LINGO2: variants seen among roughly 807,000 people sequenced by gnomAD.
The protein encoded by LINGO2 is leucine rich repeat and Ig domain containing 2.
Under a neutral mutation model 30.6 loss-of-function variants are expected in LINGO2, and 14 were observed. The observed-to-expected ratio is 0.46, with a 90% CI of 0.30 to 0.72. LINGO2 has a LOEUF of 0.72. LINGO2 is among the 30% of genes least tolerant of loss of function. The pLI is 0.07. For missense variants in LINGO2, 729 were observed against 751.7 expected, an observed-to-expected ratio of 0.97 and a Z score of 0.35; for synonymous variants, 317 against 288.5, an observed-to-expected ratio of 1.10 and a Z score of -1.00.
At chr9:28,048,869 G>GA (rs1261989213) in intron 4 of LINGO2, among the ~76,000 whole-genome samples, 1 of 150,784 alleles carries the variant, frequency 6.6e-6, no homozygotes, top group Non-Finnish European at 1.5e-5. Flanking sequence ...GTTTGTGTTT[G>GA]TGTTTATGCC....
chr9:28,616,567 G>A (rs769713772), intron 1 of LINGO2, among the ~76,000 whole-genome samples: 17 of 152,152 alleles, frequency 1.1e-4, no homozygotes, highest in Admixed American at 2.6e-4. Context: ...GTGTATGAGG[G>A]CACACAGAAA....
chr9:28,022,252 TCCTA>T (rs1823164169), intron 4 of LINGO2, among the ~76,000 whole-genome samples: 1 of 152,070 alleles, frequency 6.6e-6, no homozygotes, highest in South Asian at 2.1e-4. Flanking sequence ...AATTTCTCCC[TCCTA>T]TTCTTCGTGA....
chr9:28,158,220 AT>A (rs1421879165), intron 4 of LINGO2, among the ~76,000 whole-genome samples: 4 of 152,114 alleles, frequency 2.6e-5, no homozygotes, highest in Non-Finnish European at 5.9e-5. Flanking sequence ...GCGCAGGGAA[AT>A]TCCCCTTTTT....
chr9:28,217,450 G>T (rs2133882884), intron 4 of LINGO2, among the ~76,000 whole-genome samples: 1 of 152,094 alleles, frequency 6.6e-6, no homozygotes, highest in East Asian at 1.9e-4. Flanking sequence ...TGATAAGTTT[G>T]TGCATGTGTT....
At chr9:28,594,607 T>C (rs564377296) in intron 1 of LINGO2, among the ~76,000 whole-genome samples, 3 of 152,194 alleles carry the variant, frequency 2.0e-5, no homozygotes, top group South Asian at 2.1e-4. Context: ...TTACAATATA[T>C]AGAACAGCGT....
chr9:29,078,155 T>A, the LINGO2 span, among the ~76,000 whole-genome samples: 5 of 151,748 alleles, frequency 3.3e-5, no homozygotes, highest in Non-Finnish European at 7.4e-5. Flanking sequence ...AAGAAGAAAA[T>A]GTAAAAACTA....
chr9:28,714,367 G>A, the LINGO2 span, among the ~76,000 whole-genome samples: 1 of 151,740 alleles, frequency 6.6e-6, no homozygotes, highest in South Asian at 2.1e-4. Context: ...CAAAATGCTT[G>A]CCAAGCACTT....
chr9:29,135,507 G>A, the LINGO2 span, among the ~76,000 whole-genome samples: 11 of 151,224 alleles, frequency 7.3e-5, no homozygotes, highest in East Asian at 7.8e-4. Context: ...GCAGTGAGCC[G>A]GGATTGCACC....
the LINGO2 span, among the ~76,000 whole-genome samples, chr9:29,154,220 C>T: frequency 6.6e-6 from 1 of 152,090 alleles, no homozygotes; most frequent in South Asian, 2.1e-4. Flanking sequence ...CCAAGAAAGG[C>T]GGATCACAAG....
chr9:29,057,128 AAAT>A, the LINGO2 span, among the ~76,000 whole-genome samples: 1 of 151,982 alleles, frequency 6.6e-6, no homozygotes, highest in Non-Finnish European at 1.5e-5. Flanking sequence ...CTAGTTCTGT[AAAT>A]AATGATGATG....
At chr9:28,469,599 C>G (rs563332150) in intron 2 of LINGO2, among the ~76,000 whole-genome samples, 1 of 152,010 alleles carries the variant, frequency 6.6e-6, no homozygotes. Flanking sequence ...TACAAGGGAT[C>G]CTTGATAAAC....
chr9:29,037,837 T>A, the LINGO2 span, among the ~76,000 whole-genome samples: 1 of 151,950 alleles, frequency 6.6e-6, no homozygotes, highest in East Asian at 1.9e-4. Flanking sequence ...TGTAAAAAAA[T>A]TAAACAATTT....
chr9:28,233,597 T>A (rs1336587123), intron 4 of LINGO2, among the ~76,000 whole-genome samples: 1 of 152,222 alleles, frequency 6.6e-6, no homozygotes, highest in African/African-American at 2.4e-5. Context: ...TTTTTAATTC[T>A]CATTAAAAGT....
At chr9:28,539,722 A>G (rs1821592075) in intron 1 of LINGO2, among the ~76,000 whole-genome samples, 1 of 152,170 alleles carries the variant, frequency 6.6e-6, no homozygotes, top group African/African-American at 2.4e-5. Context: ...TAAATCAGTC[A>G]TCTTGTTTAG....
the LINGO2 span, among the ~76,000 whole-genome samples, chr9:28,728,706 A>G: frequency 7.9e-5 from 12 of 152,300 alleles, no homozygotes; most frequent in African/African-American, 2.9e-4. Flanking sequence ...TTTTAAAAAT[A>G]TAAACCTCAT....
the LINGO2 span, among the ~76,000 whole-genome samples, chr9:28,678,036 G>T: frequency 2.7e-5 from 4 of 150,824 alleles, no homozygotes; most frequent in Non-Finnish European, 5.9e-5. Flanking sequence ...CTTTCTTCTT[G>T]AGCTCCTGCC....
intron 1 of LINGO2, among the ~76,000 whole-genome samples, chr9:28,579,029 A>T (rs1398858184): frequency 6.7e-6 from 1 of 148,814 alleles, no homozygotes; most frequent in African/African-American, 2.5e-5. Context: ...AGATGTAATT[A>T]TTTGAAAATC....
the LINGO2 span, among the ~76,000 whole-genome samples, chr9:29,191,044 A>G: frequency 6.6e-6 from 1 of 152,234 alleles, no homozygotes; most frequent in Non-Finnish European, 1.5e-5. Context: ...GATTAAAAAC[A>G]TTAAGTACAA....
At chr9:28,001,451 T>G (rs538231967) in intron 5 of LINGO2, among the ~76,000 whole-genome samples, 1 of 152,224 alleles carries the variant, frequency 6.6e-6, no homozygotes, top group Non-Finnish European at 1.5e-5. Context: ...AACTGGTTTA[T>G]GCCTTTCAAC....
Sources: allele counts gnomAD v4.1 joint callset (sites outside exome capture counted in the v4.1 genomes callset), GRCh38; gene constraint gnomAD v4.1.1; transcripts MANE v1.5; gene names NCBI Gene and HGNC (gene_info 2026-07-23, HGNC 2026-07-21).